PDE10A: variants seen among roughly 807,000 people sequenced by gnomAD.
The protein encoded by PDE10A is cAMP and cAMP-inhibited cGMP 3',5'-cyclic phosphodiesterase 10A.
In PDE10A, 39 loss-of-function variants were observed where a neutral mutation model predicts 97.7. The observed-to-expected ratio is 0.40, with a 90% CI of 0.31 to 0.52. The LOEUF (loss-of-function observed/expected upper bound fraction) is 0.52, where lower values mean the gene tolerates loss of function less well. Among genes scored for constraint, PDE10A ranks in the 20% least tolerant of loss-of-function variants. The probability of loss-of-function intolerance (pLI) is 0.56; values close to 1 mark genes in which losing one functional copy is unlikely to be tolerated. For missense variants in PDE10A, 731 were observed against 1,047.8 expected, an observed-to-expected ratio of 0.70 and a Z score of 4.17; for synonymous variants, 371 against 376.8, an observed-to-expected ratio of 0.98 and a Z score of 0.18.
chr6:165,883,359 G>A (rs946029489), intron 1 of PDE10A, among the ~76,000 whole-genome samples: 2 of 151,944 alleles, frequency 1.3e-5, no homozygotes, highest in Non-Finnish European at 2.9e-5. Context: ...CCTGGCCAAC[G>A]TGGCAAAACC....
rs115478798 is a variant in PDE10A, at chr6:165,695,859, A to G, written c.-614-152291T>C. Among the ~76,000 whole-genome samples the G allele has an allele frequency of 4.7e-3, 723 of 152,294 alleles. 8 individuals carry two copies. Among genetic ancestry groups the G allele is most frequent in the African/African-American group, 0.017 (693 of 41,554 alleles). ...AAAAAATATCGAACGTTGACCTTAGAAACTGTTCCTTCCAAGGAGCCAGAA... is the reference window on the plus strand; with the variant it reads ...AAAAAATATCGAACGTTGACCTTAGGAACTGTTCCTTCCAAGGAGCCAGAA... On this transcript the variant is annotated intron_variant, in intron 1 of 19. Coordinates refer to the PDE10A transcript ENST00000366882.
intron 16 of PDE10A, among the ~76,000 whole-genome samples, chr6:165,391,321 T>C (rs949883907): frequency 2.6e-5 from 4 of 152,196 alleles, no homozygotes; most frequent in Non-Finnish European, 4.4e-5. Flanking sequence ...AAAAATGAAT[T>C]AGGAACTTAA....
chr6:165,534,422 G>T (rs1279287244), intron 2 of PDE10A, among the ~76,000 whole-genome samples: 1 of 151,720 alleles, frequency 6.6e-6, no homozygotes, highest in Non-Finnish European at 1.5e-5. Flanking sequence ...CACTGAGGAG[G>T]AGAAAATACT....
chr6:165,730,668 G>A (rs952529167), intron 1 of PDE10A, among the ~76,000 whole-genome samples: 2 of 151,118 alleles, frequency 1.3e-5, no homozygotes, highest in African/African-American at 2.4e-5. Flanking sequence ...CAGGGGAATC[G>A]CTTGAACCTG....
chr6:165,590,357 G>A (rs1786177248), intron 1 of PDE10A, among the ~76,000 whole-genome samples: 1 of 152,200 alleles, frequency 6.6e-6, no homozygotes. Flanking sequence ...CTGTGGCAAA[G>A]CTCAATTAAA....
At chr6:165,652,989 A>G (rs968478282) in intron 1 of PDE10A, among the ~76,000 whole-genome samples, 1 of 152,214 alleles carries the variant, frequency 6.6e-6, no homozygotes, top group Admixed American at 6.5e-5. Flanking sequence ...GCATATGGAC[A>G]CGCTGTGTTC....
intron 1 of PDE10A, among the ~76,000 whole-genome samples, chr6:165,691,405 T>C (rs1490848148): frequency 1.3e-5 from 2 of 152,076 alleles, no homozygotes; most frequent in Non-Finnish European, 2.9e-5. Context: ...GTTTGTAACC[T>C]AAGAGCAACA....
chr6:165,533,890 G>A (rs559997746), intron 2 of PDE10A, among the ~76,000 whole-genome samples: 4 of 151,964 alleles, frequency 2.6e-5, no homozygotes, highest in Admixed American at 2.0e-4. Flanking sequence ...AACATTATTC[G>A]TGATAATATG....
chr6:165,913,273 T>A, intron 1 of PDE10A, among the ~76,000 whole-genome samples: 1 of 148,014 alleles, frequency 6.8e-6, no homozygotes, highest in Admixed American at 6.7e-5. Flanking sequence ...ACTCAACTTG[T>A]ACACACACAC....
intron 1 of PDE10A, among the ~76,000 whole-genome samples, chr6:165,817,889 T>C (rs1779462571): frequency 6.6e-6 from 1 of 152,202 alleles, no homozygotes; most frequent in South Asian, 2.1e-4. Context: ...AATGTTAATA[T>C]TTGCAAGATG....
chr6:165,979,114 C>T (rs971706195), intron 1 of PDE10A, among the ~76,000 whole-genome samples: 6 of 152,244 alleles, frequency 3.9e-5, no homozygotes, highest in Admixed American at 1.3e-4. Flanking sequence ...AGGCTTTCTA[C>T]GCAGAGGAGG....
At chr6:165,367,904 G>C (rs1042941335) in intron 18 of PDE10A, among the ~76,000 whole-genome samples, 3 of 152,156 alleles carry the variant, frequency 2.0e-5, no homozygotes, top group Non-Finnish European at 1.5e-5. Flanking sequence ...CAAATGAAAT[G>C]ATAGAAGTTG....
intron 18 of PDE10A, among the ~76,000 whole-genome samples, chr6:165,374,798 G>T (rs1784511404): frequency 6.7e-6 from 1 of 149,218 alleles, no homozygotes. Context: ...GGCAACCTTG[G>T]GTACAGCAAT....
chr6:165,891,467 A>G (rs867889), intron 1 of PDE10A, among the ~76,000 whole-genome samples: 22,348 of 152,088 alleles, frequency 0.15, 1,822 homozygotes, highest in East Asian at 0.26. Context: ...TCAGCCAGGG[A>G]GAACCAGCCC....
intron 2 of PDE10A, among the ~76,000 whole-genome samples, chr6:165,502,745 C>T (rs139491346): frequency 1.4e-4 from 21 of 152,230 alleles, no homozygotes; most frequent in Non-Finnish European, 2.1e-4. Flanking sequence ...AGAAAGCAGA[C>T]GCAAATGACT....
At chr6:165,829,959 G>A (rs1779864370) in intron 1 of PDE10A, among the ~76,000 whole-genome samples, 1 of 151,920 alleles carries the variant, frequency 6.6e-6, no homozygotes, top group Non-Finnish European at 1.5e-5. Context: ...TGTACAACAC[G>A]GACAACTGTA....
At chr6:165,764,539 C>CTAA in intron 1 of PDE10A, among the ~76,000 whole-genome samples, 1 of 3,666 alleles carries the variant, frequency 2.7e-4, no homozygotes, top group South Asian at 0.1. Flanking sequence ...TTTGTTCCTT[C>CTAA]TGGTGTTCGG....
At chr6:165,916,936 T>A (rs532654454) in intron 1 of PDE10A, among the ~76,000 whole-genome samples, 1 of 151,854 alleles carries the variant, frequency 6.6e-6, no homozygotes, top group South Asian at 2.1e-4. Flanking sequence ...GCCAATGGGG[T>A]TTTCTGTGTT....
At chr6:165,536,961 G>T (rs1487570505) in intron 2 of PDE10A, among the ~76,000 whole-genome samples, 4 of 151,920 alleles carry the variant, frequency 2.6e-5, no homozygotes, top group African/African-American at 4.8e-5. Flanking sequence ...TCAAAGAAAG[G>T]AAATCAGCAT....
Sources: allele counts gnomAD v4.1 joint callset (sites outside exome capture counted in the v4.1 genomes callset), GRCh38; gene constraint gnomAD v4.1.1; transcripts MANE v1.5; gene names NCBI Gene and HGNC (gene_info 2026-07-23, HGNC 2026-07-21).